Variants in ATXN2 observed in about 807,000 individuals in gnomAD.
ATXN2 encodes the protein ataxin-2.
A neutral mutation model predicts 138.6 loss-of-function variants in ATXN2; 37 were observed. That is an observed-to-expected ratio of 0.27 (90% confidence interval 0.21 to 0.35). The LOEUF is 0.35. ATXN2 is among the 10% of genes least tolerant of loss of function. ATXN2 has a pLI of 1.00. For missense variants in ATXN2, 1,216 were observed against 1,480.3 expected (o/e 0.82, Z 2.93); for synonymous variants, 549 against 543.7 (o/e 1.01, Z -0.13).
chr12:111,521,297 C>T (rs184198548), intron 6 of ATXN2, among the ~76,000 whole-genome samples: 2 of 152,294 alleles, frequency 1.3e-5, no homozygotes, highest in Admixed American at 1.3e-4. Context: ...GAGACATCTA[C>T]ATTTACCTGT....
intron 14 of ATXN2, among the ~76,000 whole-genome samples, chr12:111,503,408 C>G (rs970357840): frequency 1.3e-5 from 2 of 152,132 alleles, no homozygotes; most frequent in African/African-American, 4.8e-5. Context: ...CAGATACAAA[C>G]AGAACTTGCT....
At chr12:111,573,298 T>C (rs549158415) in intron 1 of ATXN2, among the ~76,000 whole-genome samples, 93 of 152,328 alleles carry the variant, frequency 6.1e-4, no homozygotes, top group African/African-American at 2.2e-3. Context: ...GTTCAAGCGA[T>C]TCTCCTTGCC....
At position 111,598,842 on chromosome 12, in the gene ATXN2, T is replaced by C. The variant is rs2047614173; in HGVS notation, c.193A>G (p.Thr65Ala). The stretch of plus-strand genomic sequence containing the variant: ...GCCGCGACCACCGAGGAGGGAGCCG[T>C]GGCCGAGGACGAGGAGACCGAGGAC... ...SSSSVSSSSA[T>A]APSSVVAATS... is the part of the protein sequence containing the mutation. The change falls in exon 1 of 25, where the codon ACG becomes GCG. Residue 65 changes from threonine (T) to alanine (A), a missense_variant. Thr to Ala is a moderately conservative substitution (Grantham distance 58). This residue lies in a region of ATXN2 where 110 missense variants were observed against 88.7 expected (regional missense o/e 1.24). Transcript: ENST00000673436. This position sits in a 1 kb window ranked among gnomAD's most constrained non-coding sequence, Gnocchi z 4.5. The C allele has an allele frequency of 6.8e-7, 1 of 1,467,092 alleles. No individual in the cohort carries two copies. Among genetic ancestry groups the C allele is most frequent in the South Asian group, 1.3e-5 (1 of 78,408 alleles). 90.9% of individuals were successfully genotyped at this position (1,467,092 alleles called of 1,614,324 possible).
chr12:111,533,882 G>A (rs1700952634), intron 5 of ATXN2, among the ~76,000 whole-genome samples: 1 of 152,040 alleles, frequency 6.6e-6, no homozygotes, highest in African/African-American at 2.4e-5. Context: ...TGTAACCCAT[G>A]GATAGAGAGG....
rs71464000 is a variant in ATXN2 at position 111,586,843 on chromosome 12, G to A, written c.251+11941C>T. Among the ~76,000 whole-genome samples, 510 of 152,056 alleles carry A rather than the reference G, an allele frequency of 3.4e-3. 2 individuals carry two copies. The highest frequency in any genetic ancestry group is 5.5e-3 in the Non-Finnish European group (374 of 67,972). On this transcript the variant is annotated intron_variant, in intron 1 of 24. Transcript: ENST00000673436. The stretch of plus-strand genomic sequence containing the variant: ...GCTAAGTCTTTCAACTTTCTATCAC[G>A]CTACTGTTATTTCTCATTGCTGTTA...
intron 5 of ATXN2, among the ~76,000 whole-genome samples, chr12:111,547,033 T>C (rs1331996121): frequency 6.6e-6 from 1 of 152,266 alleles, no homozygotes; most frequent in Non-Finnish European, 1.5e-5. Context: ...AAGCCTTTTA[T>C]TCATTTGCAT....
chr12:111,549,072 T>A (rs1881987432), intron 5 of ATXN2, among the ~76,000 whole-genome samples: 1 of 151,872 alleles, frequency 6.6e-6, no homozygotes, highest in Admixed American at 6.6e-5. Context: ...TGGGATCTCA[T>A]CACATGAAAC....
Position 111,510,594 on chromosome 12 carries a change from G to C in ATXN2, c.1559-12C>G. 1 of 1,587,246 alleles carries C rather than the reference G, an allele frequency of 6.3e-7. No individual in the cohort carries two copies. The highest frequency in any genetic ancestry group is 8.6e-7 in the Non-Finnish European group (1 of 1,161,706). On this transcript the variant is annotated splice_polypyrimidine_tract_variant and intron_variant, in intron 11 of 24. Coordinates refer to ENST00000673436, the MANE Select transcript of ATXN2 (RefSeq NM_001372574.1). ...GGATAATCTTGGAACTAGAAGAAAGGGAAAATGTATTTATTACATTCTCAG... is the reference window on the plus strand; with the variant it reads ...GGATAATCTTGGAACTAGAAGAAAGCGAAAATGTATTTATTACATTCTCAG...
intron 5 of ATXN2, among the ~76,000 whole-genome samples, chr12:111,532,297 T>G (rs1880881292): frequency 1.3e-5 from 2 of 152,078 alleles, no homozygotes; most frequent in Middle Eastern, 6.8e-3. Context: ...CTGGCCAATA[T>G]GGTGAAACCC....
At chr12:111,507,764 G>A (rs918591868) in intron 14 of ATXN2, among the ~76,000 whole-genome samples, 4 of 152,264 alleles carry the variant, frequency 2.6e-5, no homozygotes, top group African/African-American at 4.8e-5. Flanking sequence ...TGGTTGCTGC[G>A]TCTGTGGAGA....
Position 111,532,846 on chromosome 12 carries a change from G to A in ATXN2, c.572-7530C>T, listed in dbSNP as rs185611661. Among the ~76,000 whole-genome samples, 50 of 133,246 alleles carry A rather than the reference G, an allele frequency of 3.8e-4. No individual in the cohort carries two copies. In the East Asian group the frequency reaches 8.6e-3, roughly 23 times the overall value. The allele number at this position is 133,246 out of a possible 152,430, so 87.4% of individuals were successfully genotyped here. A position where few individuals can be genotyped will look rare whatever the true frequency, so the allele number is the denominator to read the frequency against. On this transcript the variant is annotated intron_variant, in intron 5 of 24. Transcript: ENST00000673436. Reference sequence around the variant, plus strand: ...GTGGTCATCAAGGCTGCAGAAATAGGTTTAAGGAAAAAAAAAAAAAAAAAA... The same window carrying A: ...GTGGTCATCAAGGCTGCAGAAATAGATTTAAGGAAAAAAAAAAAAAAAAAA...
At chr12:111,519,621 A>G (rs1432498077) in intron 8 of ATXN2, among the ~76,000 whole-genome samples, 1 of 152,130 alleles carries the variant, frequency 6.6e-6, no homozygotes, top group Non-Finnish European at 1.5e-5. Flanking sequence ...CCCCCACCAG[A>G]TAACTATTTT....
intron 1 of ATXN2, among the ~76,000 whole-genome samples, chr12:111,571,255 G>C (rs775448716): frequency 1.3e-5 from 2 of 152,290 alleles, no homozygotes; most frequent in Middle Eastern, 3.4e-3. Context: ...ATTTGGGAAA[G>C]GGGATTAGGA....
chr12:111,583,082 T>G (rs1464969946), intron 1 of ATXN2, among the ~76,000 whole-genome samples: 1 of 142,694 alleles, frequency 7.0e-6, no homozygotes, highest in Non-Finnish European at 1.5e-5. Flanking sequence ...AACCTCCACC[T>G]CCTGGGTTCA....
intron 5 of ATXN2, among the ~76,000 whole-genome samples, chr12:111,536,189 G>A (rs1219289365): frequency 2.0e-5 from 3 of 152,130 alleles, no homozygotes; most frequent in Admixed American, 1.3e-4. Context: ...CAATGCCCAA[G>A]ATTGACTGAA....
At chr12:111,547,777 TAA>T (rs533666242) in intron 5 of ATXN2, among the ~76,000 whole-genome samples, 10 of 88,964 alleles carry the variant, frequency 1.1e-4, no homozygotes, top group Non-Finnish European at 2.1e-4. Flanking sequence ...AGCCAAAGAT[TAA>T]AAAAAAAAAA....
At chr12:111,531,544 A>T (rs2135755345) in intron 5 of ATXN2, among the ~76,000 whole-genome samples, 1 of 152,336 alleles carries the variant, frequency 6.6e-6, no homozygotes, top group Admixed American at 6.5e-5. Flanking sequence ...CTTTTCATTG[A>T]ATACTCATCT....
intron 18 of ATXN2, among the ~76,000 whole-genome samples, chr12:111,477,558 A>G (rs1876911308): frequency 6.6e-6 from 1 of 152,210 alleles, no homozygotes; most frequent in African/African-American, 2.4e-5. Flanking sequence ...GATACAAAAA[A>G]GCATGAACCT....
intron 5 of ATXN2, among the ~76,000 whole-genome samples, chr12:111,541,346 C>CTT (rs62932861): frequency 1.0e-4 from 7 of 67,414 alleles, no homozygotes; most frequent in African/African-American, 1.6e-4. Flanking sequence ...AGTTATAATT[C>CTT]TTTTTTTTTT....
Sources: gnomAD v4.1 joint callset for allele counts (sites outside exome capture counted in the v4.1 genomes callset) on GRCh38, gnomAD v4.1.1 for gene constraint, gnomAD v4.1.1 regional missense constraint, Gnocchi (gnomAD v3.1) non-coding constraint, MANE v1.5 for transcripts, NCBI Gene and HGNC (gene_info 2026-07-23, HGNC 2026-07-21) for gene names.